The following LRFN2 variants were observed in gnomAD, a reference collection of about 807,000 sequenced individuals.
The protein encoded by LRFN2 is leucine rich repeat and fibronectin type III domain containing 2, also known as leucine-rich repeat and fibronectin type-III domain-containing protein 2.
A neutral mutation model predicts 37.3 loss-of-function variants in LRFN2; 18 were observed. The ratio of observed to expected loss-of-function variants is 0.48; its 90% CI spans 0.33 to 0.72. The LOEUF is 0.72. Among genes scored for constraint, LRFN2 ranks in the 30% least tolerant of loss-of-function variants. The pLI, the probability that LRFN2 is intolerant of heterozygous loss-of-function variation, is 0.02. For missense variants in LRFN2, 1,006 were observed against 1,060.7 expected (o/e 0.95, Z 0.72); for synonymous variants, 556 against 466.6 (o/e 1.19, Z -2.47).
At chr6:40,435,601 T>C (rs1190118284) in intron 1 of LRFN2, among the ~76,000 whole-genome samples, 1 of 152,056 alleles carries the variant, frequency 6.6e-6, no homozygotes, top group Non-Finnish European at 1.5e-5. Context: ...TACAGTGGCA[T>C]GATCTCAGCT....
At chr6:40,488,862 A>G (rs1765027382) in intron 1 of LRFN2, among the ~76,000 whole-genome samples, 1 of 152,132 alleles carries the variant, frequency 6.6e-6, no homozygotes, top group Non-Finnish European at 1.5e-5. Flanking sequence ...GGATGATTAG[A>G]ATTAGGGAAC....
chr6:40,554,360 C>T (rs1380363938), intron 1 of LRFN2, among the ~76,000 whole-genome samples: 1 of 152,078 alleles, frequency 6.6e-6, no homozygotes, highest in East Asian at 1.9e-4. Flanking sequence ...TGTCTCCCTG[C>T]CTTGGTTCCA....
chr6:40,442,114 A>C (rs978517804), intron 1 of LRFN2, among the ~76,000 whole-genome samples: 6 of 151,750 alleles, frequency 4.0e-5, no homozygotes, highest in Non-Finnish European at 8.8e-5. Flanking sequence ...ACACACCAGC[A>C]CCCTCTACCC....
intron 1 of LRFN2, among the ~76,000 whole-genome samples, chr6:40,550,952 G>A (rs558409543): frequency 6.6e-6 from 1 of 152,194 alleles, no homozygotes; most frequent in Admixed American, 6.5e-5. Flanking sequence ...ACAAGAGTAT[G>A]TGTTGGCAGC....
At chr6:40,490,102 G>A (rs978191404) in intron 1 of LRFN2, among the ~76,000 whole-genome samples, 1 of 152,212 alleles carries the variant, frequency 6.6e-6, no homozygotes, top group Non-Finnish European at 1.5e-5. Context: ...CTACTGCTCT[G>A]CAGCAAGCCC....
intron 1 of LRFN2, among the ~76,000 whole-genome samples, chr6:40,534,052 AG>A (rs1766403445): frequency 6.6e-6 from 1 of 152,232 alleles, no homozygotes; most frequent in Admixed American, 6.5e-5. Flanking sequence ...GAGAAAACTT[AG>A]GGACAGAGAG....
intron 2 of LRFN2, among the ~76,000 whole-genome samples, chr6:40,429,291 C>G (rs993389145): frequency 1.3e-5 from 2 of 152,186 alleles, no homozygotes; most frequent in Non-Finnish European, 2.9e-5. Context: ...CTTTGAGACC[C>G]CTGGCAAGCT....
chr6:40,400,632 G>T (rs1448329713), intron 2 of LRFN2, among the ~76,000 whole-genome samples: 1 of 151,482 alleles, frequency 6.6e-6, no homozygotes, highest in Non-Finnish European at 1.5e-5. Context: ...TGTTGGCCAG[G>T]CTGATCTCAA....
chr6:40,447,891 TCTC>T (rs995343898), intron 1 of LRFN2, among the ~76,000 whole-genome samples: 45 of 152,126 alleles, frequency 3.0e-4, no homozygotes, highest in African/African-American at 1.0e-3. Flanking sequence ...TGACCCCTGT[TCTC>T]CTCCATTAGA....
rs180962187 is a variant in LRFN2 at position 40,483,566 on chromosome 6, T to C, written c.-18-50435A>G. On this transcript the variant is annotated intron_variant, in intron 1 of 2. Transcript: ENST00000338305. ...AGCACTTATTGTGTGCCAGTCTCTA[T>C]TTCAGGAGTTTTTCACAAATCAGCC... 4.6e-5 allele frequency among the ~76,000 whole-genome samples: 7 copies of C among 152,326 alleles called. No homozygotes were observed. In the East Asian group the frequency reaches 1.3e-3, roughly 29 times the overall value.
intron 2 of LRFN2, among the ~76,000 whole-genome samples, chr6:40,396,427 T>A (rs1301223723): frequency 6.6e-6 from 1 of 152,166 alleles, no homozygotes; most frequent in African/African-American, 2.4e-5. Context: ...TCTCCCCAAC[T>A]CACCTTTGCT....
Position 40,432,090 on chromosome 6 carries a change from C to G in LRFN2, c.1024G>C (p.Gly342Arg). The G allele has an allele frequency of 1.9e-6, 3 of 1,614,052 alleles. No individual in the cohort carries two copies. The highest frequency in any genetic ancestry group is 2.5e-6 in the Non-Finnish European group (3 of 1,180,008). Residue 342 changes from glycine (G) to arginine (R), a missense_variant, in exon 2 of 3, where the codon GGC becomes CGC. Gly to Arg is a moderately radical substitution (Grantham distance 125, BLOSUM62 -2). Around this residue, in one of 4 missense-constraint regions of LRFN2, gnomAD observed 303 missense variants for 299.8 expected, o/e 1.01. Transcript: ENST00000338305. ...GTGGTGATGAAGATGTCCAGGGTGCCATTGTCATAGACAGCGGTCCTTGAG... is the reference window on the plus strand; with the variant it reads ...GTGGTGATGAAGATGTCCAGGGTGCGATTGTCATAGACAGCGGTCCTTGAG... The part of the protein sequence containing the change: ...NSSRTAVYDN[G>R]TLDIFITTSQ...
At chr6:40,544,257 C>G (rs1270745372) in intron 1 of LRFN2, among the ~76,000 whole-genome samples, 1 of 152,244 alleles carries the variant, frequency 6.6e-6, no homozygotes, top group South Asian at 2.1e-4. Flanking sequence ...CGCAGAGTGT[C>G]TCACCCATTC....
chr6:40,474,385 T>C (rs1020484152), intron 1 of LRFN2, among the ~76,000 whole-genome samples: 4 of 152,324 alleles, frequency 2.6e-5, no homozygotes, highest in African/African-American at 9.6e-5. Context: ...GCCTCTGTCT[T>C]TACATGGCTG....
At chr6:40,556,893 G>A (rs1321045656) in intron 1 of LRFN2, among the ~76,000 whole-genome samples, 1 of 152,086 alleles carries the variant, frequency 6.6e-6, no homozygotes, top group African/African-American at 2.4e-5. Flanking sequence ...CATCTACCAA[G>A]ACACAAATCC....
chr6:40,558,306 CTT>C (rs1365116384), intron 1 of LRFN2, among the ~76,000 whole-genome samples: 5 of 152,232 alleles, frequency 3.3e-5, no homozygotes, highest in Non-Finnish European at 4.4e-5. Flanking sequence ...TGCATGGACT[CTT>C]TTCCTGCCTG....
At chr6:40,573,514 G>T (rs551225392) in intron 1 of LRFN2, among the ~76,000 whole-genome samples, 1 of 152,334 alleles carries the variant, frequency 6.6e-6, no homozygotes, top group African/African-American at 2.4e-5. Context: ...CCATAAATGT[G>T]GGCAGCTAAG....
chr6:40,580,697 G>A (rs1767381484), intron 1 of LRFN2, among the ~76,000 whole-genome samples: 1 of 152,220 alleles, frequency 6.6e-6, no homozygotes, highest in South Asian at 2.1e-4. Flanking sequence ...ACAGTGAGCT[G>A]GAAGGGTTGA....
At chr6:40,543,507 C>T (rs1387793012) in intron 1 of LRFN2, among the ~76,000 whole-genome samples, 1 of 152,198 alleles carries the variant, frequency 6.6e-6, no homozygotes, top group African/African-American at 2.4e-5. Flanking sequence ...CTCTCCTCTC[C>T]TCCCTCCACT....
Sources: allele counts gnomAD v4.1 joint callset (sites outside exome capture counted in the v4.1 genomes callset), GRCh38; gene constraint gnomAD v4.1.1; regional missense constraint gnomAD v4.1.1; transcripts MANE v1.5; gene names NCBI Gene and HGNC (gene_info 2026-07-23, HGNC 2026-07-21).